Variants in TCF4 observed in about 807,000 individuals in gnomAD.
TCF4 encodes the protein transcription factor 4.
In TCF4, 3 loss-of-function variants were observed where a neutral mutation model predicts 82.1. The ratio of observed to expected loss-of-function variants is 0.04; its 90% CI spans 0.02 to 0.09. The LOEUF (loss-of-function observed/expected upper bound fraction) is 0.09, where lower values mean the gene tolerates loss of function less well. Ranked by LOEUF, TCF4 falls within the 10% of genes least tolerant of loss-of-function variation. The pLI is 1.00. For synonymous variants in TCF4, 276 were observed against 309.6 expected, an observed-to-expected ratio of 0.89 and a Z score of 1.14; for missense variants, 518 against 852.7, an observed-to-expected ratio of 0.61 and a Z score of 4.89.
At chr18:55,403,758 T>C in intron 5 of TCF4, 1 of 1,534,726 alleles carries the variant, frequency 6.5e-7, no homozygotes, top group Non-Finnish European at 8.7e-7. Flanking sequence ...AAAACTGTCA[T>C]TCCAATGGCC....
At chr18:55,230,959 A>G (rs986237818) in intron 17 of TCF4, 19 of 152,302 alleles carry the variant, frequency 1.2e-4, no homozygotes, top group Non-Finnish European at 2.5e-4. Context: ...ATGCTGTAAG[A>G]CCAGGCTCCT....
intron 11 of TCF4, chr18:55,268,307 T>A (rs1477364562): frequency 6.6e-6 from 1 of 152,138 alleles, no homozygotes; most frequent in Non-Finnish European, 1.5e-5. Flanking sequence ...CCAGACCTCA[T>A]GACTGCAGAA....
intron 3 of TCF4, among the ~76,000 whole-genome samples, chr18:55,492,823 T>C (rs943895781): frequency 6.6e-6 from 1 of 152,226 alleles, no homozygotes; most frequent in African/African-American, 2.4e-5. Flanking sequence ...CACTCATTCA[T>C]ACTATCTGGC....
intron 3 of TCF4, among the ~76,000 whole-genome samples, chr18:55,557,839 A>G (rs954985359): frequency 6.6e-6 from 1 of 152,106 alleles, no homozygotes; most frequent in South Asian, 2.1e-4. Flanking sequence ...TACATGAAAG[A>G]CAAATTGACA....
chr18:55,495,913 G>A (rs1271786515), intron 3 of TCF4: 1 of 152,098 alleles, frequency 6.6e-6, no homozygotes, highest in Non-Finnish European at 1.5e-5. Flanking sequence ...CCTTTACATG[G>A]AGGTGAGTGG....
intron 3 of TCF4, among the ~76,000 whole-genome samples, chr18:55,538,690 T>G (rs2097139691): frequency 6.6e-6 from 1 of 152,134 alleles, no homozygotes; most frequent in Non-Finnish European, 1.5e-5. Context: ...AACAGAACAA[T>G]TATAGCAATG....
At chr18:55,602,039 A>T (rs1450820131) in intron 2 of TCF4, among the ~76,000 whole-genome samples, 1 of 152,186 alleles carries the variant, frequency 6.6e-6, no homozygotes, top group East Asian at 1.9e-4. Context: ...ATGTTTTCAC[A>T]TCACTATACA....
intron 8 of TCF4, among the ~76,000 whole-genome samples, chr18:55,288,286 A>G (rs2064166909): frequency 6.6e-6 from 1 of 152,208 alleles, no homozygotes; most frequent in African/African-American, 2.4e-5. Context: ...AAAAGAAGTC[A>G]TTATTTATAT....
At chr18:55,628,771 T>C (rs2097728967) in intron 2 of TCF4, among the ~76,000 whole-genome samples, 1 of 152,226 alleles carries the variant, frequency 6.6e-6, no homozygotes, top group Non-Finnish European at 1.5e-5. Context: ...AACCATTATT[T>C]TGTATGTCTT....
chr18:55,555,601 G>A (rs2147213503), intron 3 of TCF4, among the ~76,000 whole-genome samples: 1 of 152,246 alleles, frequency 6.6e-6, no homozygotes, highest in East Asian at 1.9e-4. Context: ...TCTGCCCACT[G>A]AATATTTTAT....
intron 8 of TCF4, among the ~76,000 whole-genome samples, chr18:55,325,810 G>A (rs2076455977): frequency 6.6e-6 from 1 of 152,020 alleles, no homozygotes; most frequent in South Asian, 2.1e-4. Context: ...ATATCCTAAG[G>A]AAAATAGTGA....
intron 2 of TCF4, among the ~76,000 whole-genome samples, chr18:55,601,545 A>G (rs2097697013): frequency 6.6e-6 from 1 of 151,890 alleles, no homozygotes; most frequent in Non-Finnish European, 1.5e-5. Context: ...GCACTTTGGG[A>G]GGCCAAGGCG....
intron 8 of TCF4, among the ~76,000 whole-genome samples, chr18:55,315,829 T>C (rs752631547): frequency 6.6e-6 from 1 of 152,124 alleles, no homozygotes; most frequent in African/African-American, 2.4e-5. Context: ...TTTTCCACTT[T>C]TGTCACTACT....
chr18:55,549,034 T>A (rs1343888624), intron 3 of TCF4, among the ~76,000 whole-genome samples: 2 of 152,070 alleles, frequency 1.3e-5, no homozygotes. Flanking sequence ...GGCATGGTGG[T>A]TCACACCTGT....
intron 8 of TCF4, 62 bp from the exon 9 acceptor site, chr18:55,279,718 T>C: frequency 6.2e-7 from 1 of 1,608,894 alleles, no homozygotes; most frequent in Non-Finnish European, 8.5e-7. Flanking sequence ...CCAAGCTCCA[T>C]TCTTATATAA....
chr18:55,247,489 G>C (rs866562217), intron 15 of TCF4, among the ~76,000 whole-genome samples: 2 of 152,178 alleles, frequency 1.3e-5, no homozygotes, highest in East Asian at 3.8e-4. Flanking sequence ...TATGTCAGCA[G>C]GACAATGAAA....
intron 5 of TCF4, among the ~76,000 whole-genome samples, chr18:55,417,753 G>C (rs1350002977): frequency 6.6e-6 from 1 of 152,124 alleles, no homozygotes; most frequent in Non-Finnish European, 1.5e-5. Context: ...ATCAAGATAT[G>C]CATTTATTAC....
intron 2 of TCF4, among the ~76,000 whole-genome samples, chr18:55,621,932 C>T (rs965400992): frequency 1.3e-3 from 14 of 10,976 alleles, no homozygotes; most frequent in South Asian, 9.3e-3. Context: ...ACACTATATA[C>T]TATATATACA....
chr18:55,302,406 C>T, intron 8 of TCF4: 2 of 1,536,384 alleles, frequency 1.3e-6, no homozygotes, highest in Non-Finnish European at 1.7e-6. Context: ...TGGGGAGACT[C>T]TGACCTTACC....
Sources: allele counts gnomAD v4.1 joint callset (sites outside exome capture counted in the v4.1 genomes callset), GRCh38; gene constraint gnomAD v4.1.1; transcripts MANE v1.5; gene names NCBI Gene and HGNC (gene_info 2026-07-23, HGNC 2026-07-21).